The following HK2 variants were observed in gnomAD, a reference collection of about 807,000 sequenced individuals.
The protein encoded by HK2 is hexokinase-2.
A neutral mutation model predicts 92.9 loss-of-function variants in HK2; 42 were observed. The ratio of observed to expected loss-of-function variants is 0.45; its 90% CI spans 0.35 to 0.58. HK2 has a LOEUF of 0.58. Among genes scored for constraint, HK2 ranks in the 20% least tolerant of loss-of-function variants. The pLI is 0.00. For missense variants in HK2, 978 were observed against 1,245.1 expected (o/e 0.79, Z 3.23); for synonymous variants, 422 against 468.0 (o/e 0.90, Z 1.27).
At chr2:74,835,475 C>T (rs956675845) in intron 1 of HK2, 1 of 152,460 alleles carries the variant, frequency 6.6e-6, no homozygotes, top group South Asian at 2.1e-4. Flanking sequence ...TTTCCTTAAG[C>T]CTCGACCTGT....
chr2:74,890,114 C>T (rs1237516359), intron 17 of HK2, among the ~76,000 whole-genome samples: 3 of 152,100 alleles, frequency 2.0e-5, no homozygotes, highest in Non-Finnish European at 2.9e-5. Context: ...CAGCCACAGG[C>T]TGTTATTGTA....
intron 2 of HK2, among the ~76,000 whole-genome samples, chr2:74,855,592 A>G (rs1218881123): frequency 5.1e-4 from 78 of 152,210 alleles, no homozygotes; most frequent in Non-Finnish European, 8.8e-5. Context: ...CAGGGGAAAA[A>G]GGATCACGGT....
At chr2:74,837,650 C>A in intron 1 of HK2, among the ~76,000 whole-genome samples, 1 of 150,970 alleles carries the variant, frequency 6.6e-6, no homozygotes, top group Non-Finnish European at 1.5e-5. Flanking sequence ...TGCCTGTTCA[C>A]ACTAGGTCCT....
chr2:74,834,481 C>G lies in HK2; in HGVS notation c.-100C>G. On this transcript the variant is annotated 5_prime_UTR_variant, in exon 1 of 18. Coordinates refer to ENST00000290573, the MANE Select transcript of HK2 (RefSeq NM_000189.5). The surrounding 1 kb of genome is among the most constrained non-coding windows in gnomAD (Gnocchi z 4.2). ...TCCGGACTCCCAGCTCCCGGCCCGG[C>G]AGCCGAGCCCCAGCACAAAGCAGTC... 8.2e-7 allele frequency: 1 copy of G among 1,224,684 alleles called. No individual in the cohort carries two copies. The allele number at this position is 1,224,684 out of a possible 1,614,324, so 75.9% of individuals were successfully genotyped here. A position where few individuals can be genotyped will look rare whatever the true frequency, so the allele number is the denominator to read the frequency against.
At position 74,886,674 on chromosome 2, in the gene HK2, G is replaced by C. The variant is rs1362165638; in HGVS notation, c.2219+1G>C. The stretch of plus-strand genomic sequence containing the variant: ...TTTCACTCAACCCCGGCAAGCAGAG[G>C]TAGGCACCCAACTGGGGCCCTGTTA... On this transcript the variant is annotated splice_donor_variant, in intron 15 of 17. Coordinates refer to ENST00000290573, the MANE Select transcript of HK2 (RefSeq NM_000189.5). LOFTEE classifies it high-confidence loss of function. 1 of 1,613,920 alleles carries C rather than the reference G, an allele frequency of 6.2e-7. No individual in the cohort carries two copies. The highest frequency in any genetic ancestry group is 1.7e-5 in the Admixed American group (1 of 59,996).
chr2:74,849,119 A>C (rs990444837), intron 1 of HK2, among the ~76,000 whole-genome samples: 1 of 152,130 alleles, frequency 6.6e-6, no homozygotes, highest in Non-Finnish European at 1.5e-5. Flanking sequence ...CAGTGACACA[A>C]TTTCCTCTCC....
In HK2 at chr2:74,881,778, G is replaced by T. The variant is rs1379292960; in HGVS notation, c.1638G>T (p.Arg546=). Residue 546 remains arginine, a synonymous_variant, in exon 11 of 18, where the codon CGG becomes CGT. Transcript: ENST00000290573. ...TCCGGGTCCTGCTGGTCCGTGTTCGGAATGGGAAGTGGGGTGGAGTGGAGA... is the reference window on the plus strand; with the variant it reads ...TCCGGGTCCTGCTGGTCCGTGTTCGTAATGGGAAGTGGGGTGGAGTGGAGA... ...TNFRVLLVRV[R]NGKWGGVEMH... is the part of the protein sequence containing the mutation. The T allele has an allele frequency of 1.2e-6, 2 of 1,614,222 alleles. No homozygotes were observed. The highest frequency in any genetic ancestry group is 1.7e-6 in the Non-Finnish European group (2 of 1,180,052).
intron 1 of HK2, among the ~76,000 whole-genome samples, chr2:74,851,632 G>A (rs1573361530): frequency 6.6e-6 from 1 of 152,312 alleles, no homozygotes; most frequent in East Asian, 1.9e-4. Context: ...GAACTCCTGT[G>A]CCCTTTGCAA....
intron 6 of HK2, 116 bp from the exon 7 acceptor site, chr2:74,874,150 G>T (rs1689166938): frequency 3.1e-6 from 4 of 1,304,328 alleles, no homozygotes; most frequent in Middle Eastern, 2.4e-4. Flanking sequence ...CCCAGAGTCT[G>T]CAGTGAGAAA....
In HK2 at chr2:74,858,523, G is replaced by A. The variant is rs146638980; in HGVS notation, c.226+4068G>A. On this transcript the variant is annotated intron_variant, in intron 2 of 17. Coordinates refer to ENST00000290573, the MANE Select transcript of HK2 (RefSeq NM_000189.5). ...TGAGAATTAAGGGAGAATCAGATAT[G>A]TGACTTTCTCACATGTGTTACAAAC... is the stretch of plus-strand genomic sequence containing the variant. Among the ~76,000 whole-genome samples the A allele has an allele frequency of 1.8e-4, 28 of 152,322 alleles. No homozygotes were observed. In the East Asian group the frequency reaches 5.0e-3, roughly 27 times the overall value.
intron 8 of HK2, 81 bp from the exon 9 acceptor site, chr2:74,878,607 G>A (rs1689296693): frequency 9.1e-7 from 1 of 1,096,608 alleles, no homozygotes; most frequent in Non-Finnish European, 1.4e-6. Context: ...GGAACTAAAG[G>A]GCTTCCTTGC....
At chr2:74,844,311 T>A (rs1028655540) in intron 1 of HK2, among the ~76,000 whole-genome samples, 2 of 152,220 alleles carry the variant, frequency 1.3e-5, no homozygotes, top group African/African-American at 4.8e-5. Flanking sequence ...CATGTTTTTT[T>A]AAAACACAGT....
intron 1 of HK2, chr2:74,835,044 G>A (rs373299034): frequency 4.0e-4 from 120 of 299,018 alleles, no homozygotes; most frequent in African/African-American, 2.4e-3. Flanking sequence ...TCGTGGCTGC[G>A]GGAGGCTGCT....
intron 3 of HK2, among the ~76,000 whole-genome samples, chr2:74,871,952 T>TAA (rs1689108995): frequency 6.6e-6 from 1 of 152,226 alleles, no homozygotes; most frequent in Non-Finnish European, 1.5e-5. Context: ...AAGAATGTTC[T>TAA]GTTCCCCGGG....
chr2:74,888,733 A>G (rs1441748850), intron 16 of HK2, among the ~76,000 whole-genome samples: 2 of 152,234 alleles, frequency 1.3e-5, no homozygotes, highest in Non-Finnish European at 2.9e-5. Context: ...CCAGGCTTCT[A>G]AAATAGCTTT....
chr2:74,887,813 T>G, intron 15 of HK2, 90 bp from the exon 16 acceptor site: 8 of 1,176,430 alleles, frequency 6.8e-6, no homozygotes, highest in Non-Finnish European at 1.0e-5. Context: ...CCACTGCTGA[T>G]GCACTGGGGG....
rs774607615 is a variant in HK2 at position 74,885,556 on chromosome 2, G to T, written c.1902G>T (p.Val634=). 30 of 1,613,868 alleles carry T rather than the reference G, an allele frequency of 1.9e-5. No homozygotes were observed. Among genetic ancestry groups the T allele is most frequent in the Admixed American group, 1.0e-4 (6 of 59,998 alleles). The change falls in exon 13 of 18, where the codon GTG becomes GTT. Residue 634 remains valine (V), a synonymous_variant. Transcript: ENST00000290573. ...CTGGCTGCGAGGGCGAGGACGTGGT[G>T]ACCCTGCTGAAGGAAGCGATCCACC... ...KASGCEGEDV[V]TLLKEAIHRR... is the part of the protein sequence containing the mutation.
chr2:74,887,813 T>A (rs1689574914), intron 15 of HK2, 90 bp from the exon 16 acceptor site: 1 of 1,176,312 alleles, frequency 8.5e-7, no homozygotes, highest in Non-Finnish European at 1.3e-6. Flanking sequence ...CCACTGCTGA[T>A]GCACTGGGGG....
rs779630824 is a variant in HK2, at chr2:74,873,920, A to G, written c.668A>G (p.Asn223Ser). ...ATGACCTGTGGTTATGATGACCACA[A>G]CTGTGAGATTGGTCTCATTGTGGGT... ...TMMTCGYDDH[N>S]CEIGLIVGTG... Residue 223 changes from asparagine to serine, a missense_variant, in exon 6 of 18, where the codon AAC (asparagine) becomes AGC (serine). This residue lies in a region of HK2 where 189 missense variants were observed against 289.5 expected (regional missense o/e 0.65). Coordinates refer to ENST00000290573, the MANE Select transcript of HK2 (RefSeq NM_000189.5). 3 of 1,613,296 alleles carry G rather than the reference A, an allele frequency of 1.9e-6. No individual in the cohort carries two copies. The African/African-American group carries it at 4.0e-5, about 22-fold the overall frequency.
Sources: gnomAD v4.1 joint callset for allele counts (sites outside exome capture counted in the v4.1 genomes callset) on GRCh38, gnomAD v4.1.1 for gene constraint, gnomAD v4.1.1 regional missense constraint, Gnocchi (gnomAD v3.1) non-coding constraint, MANE v1.5 for transcripts, NCBI Gene and HGNC (gene_info 2026-07-23, HGNC 2026-07-21) for gene names.